The following SLCO3A1 variants were observed in gnomAD, a reference collection of about 807,000 sequenced individuals.
SLCO3A1 encodes the protein PGE1 transporter.
In SLCO3A1, 27 loss-of-function variants were observed where a neutral mutation model predicts 63.1. The ratio of observed to expected loss-of-function variants is 0.43; its 90% confidence interval spans 0.32 to 0.59. SLCO3A1 has a LOEUF of 0.59. SLCO3A1 is among the 20% of genes least tolerant of loss of function. The probability of loss-of-function intolerance (pLI) is 0.09; values close to 1 mark genes in which losing one functional copy is unlikely to be tolerated. For synonymous variants in SLCO3A1, 473 were observed against 409.9 expected (o/e 1.15, Z -1.86); for missense variants, 773 against 945.8 (o/e 0.82, Z 2.40).
intron 2 of SLCO3A1, among the ~76,000 whole-genome samples, chr15:91,953,781 C>G (rs913108592): frequency 1.8e-4 from 27 of 152,090 alleles, no homozygotes; most frequent in African/African-American, 6.5e-4. Flanking sequence ...GGAACACTTC[C>G]CACACTGCTG....
intron 2 of SLCO3A1, among the ~76,000 whole-genome samples, chr15:91,988,258 A>G (rs1354264448): frequency 1.3e-5 from 2 of 151,838 alleles, no homozygotes; most frequent in Non-Finnish European, 1.5e-5. Flanking sequence ...TAAGCCGGGC[A>G]TGGTGGGGGG....
At chr15:92,002,045 G>C (rs775997355) in intron 2 of SLCO3A1, among the ~76,000 whole-genome samples, 1 of 151,898 alleles carries the variant, frequency 6.6e-6, no homozygotes, top group African/African-American at 2.4e-5. Context: ...CACTACATAC[G>C]GAAGACCACG....
intron 2 of SLCO3A1, among the ~76,000 whole-genome samples, chr15:91,943,892 C>T (rs1250789826): frequency 1.3e-5 from 2 of 152,174 alleles, no homozygotes; most frequent in Admixed American, 1.3e-4. Context: ...TTCAGGGCTA[C>T]CCTCTGGTGA....
intron 1 of SLCO3A1, among the ~76,000 whole-genome samples, chr15:91,880,426 T>TGTG (rs1555446490): frequency 1.3e-5 from 2 of 150,982 alleles, no homozygotes; most frequent in Admixed American, 6.6e-5. Context: ...TGTGTGTGTG[T>TGTG]AGTTCTTTGC....
At chr15:91,899,923 C>T (rs1212222078) in intron 1 of SLCO3A1, among the ~76,000 whole-genome samples, 1 of 152,184 alleles carries the variant, frequency 6.6e-6, no homozygotes, top group East Asian at 1.9e-4. Context: ...TACATCATAG[C>T]ATGTATTAAT....
Position 91,916,163 on chromosome 15 carries a change from G to A in SLCO3A1, c.351G>A (p.Ala117=), listed in dbSNP as rs754874361. The change falls in exon 2 of 10, where the codon GCG becomes GCA. Residue 117 remains alanine (A), a synonymous_variant. Transcript: ENST00000318445. This position sits in a 1 kb window ranked among gnomAD's most constrained non-coding sequence, Gnocchi z 6.2. ...TCGGCTGCGGCGGCATCGTCATGGC[G>A]CTGGGCGCGCTGCTGTCGGCGCTGC... ...RLIGCGGIVM[A]LGALLSALPE... is the part of the protein sequence containing the mutation. 5.0e-6 allele frequency: 8 copies of A among 1,604,686 alleles called. No homozygotes were observed. The highest frequency in any genetic ancestry group is 6.8e-6 in the Non-Finnish European group (8 of 1,177,710).
intron 4 of SLCO3A1, among the ~76,000 whole-genome samples, chr15:92,106,542 C>T (rs932285685): frequency 1.3e-5 from 2 of 152,128 alleles, no homozygotes; most frequent in African/African-American, 4.8e-5. Context: ...TGGCCATGGG[C>T]GACTACAGTA....
chr15:91,964,543 A>C (rs1323438681), intron 2 of SLCO3A1, among the ~76,000 whole-genome samples: 2 of 151,802 alleles, frequency 1.3e-5, no homozygotes, highest in African/African-American at 4.8e-5. Context: ...CCTCCTATTC[A>C]AGGTTGCTAT....
chr15:92,160,225 G>A (rs1460338438), intron 9 of SLCO3A1, among the ~76,000 whole-genome samples: 1 of 152,110 alleles, frequency 6.6e-6, no homozygotes, highest in Non-Finnish European at 1.5e-5. Context: ...GCCCTGCTGT[G>A]CCACAGAAAC....
chr15:92,145,828 C>A (rs1380052669), intron 7 of SLCO3A1, among the ~76,000 whole-genome samples: 1 of 152,232 alleles, frequency 6.6e-6, no homozygotes, highest in Non-Finnish European at 1.5e-5. Flanking sequence ...CGTCTGCCCC[C>A]ATTCCTTCCC....
intron 5 of SLCO3A1, among the ~76,000 whole-genome samples, chr15:92,122,888 C>G (rs1048570958): frequency 1.3e-5 from 2 of 152,120 alleles, no homozygotes; most frequent in African/African-American, 4.8e-5. Flanking sequence ...ACATGAGACT[C>G]AAAAGAGCAC....
intron 1 of SLCO3A1, among the ~76,000 whole-genome samples, chr15:91,876,121 A>G (rs1897392823): frequency 6.6e-6 from 1 of 152,236 alleles, no homozygotes; most frequent in Admixed American, 6.5e-5. Flanking sequence ...CCTGGGCAAC[A>G]TGGTGAAACC....
intron 1 of SLCO3A1, among the ~76,000 whole-genome samples, chr15:91,880,135 A>ATCCG (rs1567168670): frequency 4.9e-4 from 56 of 113,480 alleles, no homozygotes; most frequent in Non-Finnish European, 7.6e-4. Flanking sequence ...CCGTCCGTCC[A>ATCCG]TCCATCCATC....
chr15:91,983,633 G>A (rs1035818585), intron 2 of SLCO3A1, among the ~76,000 whole-genome samples: 17 of 152,288 alleles, frequency 1.1e-4, no homozygotes, highest in Admixed American at 7.8e-4. Context: ...CAGTAAAAGC[G>A]CATTTGTTTG....
At chr15:92,153,641 AG>A (rs1399271949) in intron 9 of SLCO3A1, 2 of 152,384 alleles carry the variant, frequency 1.3e-5, no homozygotes, top group South Asian at 4.1e-4. Flanking sequence ...ACAAGATTCG[AG>A]TTGGCACAGG....
rs1434940331 is a variant in SLCO3A1, at chr15:91,882,153, G to A, written c.180+28065G>A. On this transcript the variant is annotated intron_variant, in intron 1 of 9. Transcript: ENST00000318445. The surrounding 1 kb of genome is among the most constrained non-coding windows in gnomAD (Gnocchi z 4.4). ...GGCAGTATAAACAGTGCTTACCTCT[G>A]AACACTAGGATCACGCTTAGCATGG... Among the ~76,000 whole-genome samples the A allele has an allele frequency of 1.3e-5, 2 of 152,094 alleles. No individual in the cohort carries two copies. The highest frequency in any genetic ancestry group is 4.8e-5 in the African/African-American group (2 of 41,400).
intron 2 of SLCO3A1, among the ~76,000 whole-genome samples, chr15:92,025,445 C>A (rs1184208290): frequency 2.0e-5 from 3 of 152,190 alleles, no homozygotes; most frequent in Admixed American, 1.3e-4. Flanking sequence ...AATGCTGCTG[C>A]TCTTGCTGCT....
chr15:92,071,810 G>A (rs1051324097), intron 2 of SLCO3A1, among the ~76,000 whole-genome samples: 11 of 152,198 alleles, frequency 7.2e-5, no homozygotes, highest in Non-Finnish European at 1.0e-4. Context: ...GATCACAGGC[G>A]GCTGTGTCTG....
At chr15:91,871,925 T>C (rs768434247) in intron 1 of SLCO3A1, among the ~76,000 whole-genome samples, 1 of 152,158 alleles carries the variant, frequency 6.6e-6, no homozygotes, top group Non-Finnish European at 1.5e-5. Flanking sequence ...TAATATTCCA[T>C]TGTATTCCAT....
Sources: gnomAD v4.1 joint callset for allele counts (sites outside exome capture counted in the v4.1 genomes callset) on GRCh38, gnomAD v4.1.1 for gene constraint, Gnocchi (gnomAD v3.1) non-coding constraint, MANE v1.5 for transcripts, NCBI Gene and HGNC (gene_info 2026-07-23, HGNC 2026-07-21) for gene names.